Variants in AKNA observed in about 807,000 individuals in gnomAD.
AKNA encodes the protein microtubule organization protein AKNA.
A neutral mutation model predicts 138.8 loss-of-function variants in AKNA; 67 were observed. The observed-to-expected ratio is 0.48, with a 90% CI of 0.40 to 0.59. The LOEUF (loss-of-function observed/expected upper bound fraction) is 0.59. AKNA is among the 20% of genes least tolerant of loss of function. The probability of loss-of-function intolerance (pLI) is 0.00; values close to 1 mark genes in which losing one functional copy is unlikely to be tolerated. For synonymous variants in AKNA, 737 were observed against 754.4 expected (o/e 0.98, Z 0.38); for missense variants, 1,813 against 1,880.4 (o/e 0.96, Z 0.66).
At chr9:114,385,911 T>A (rs1308802666) in intron 1 of AKNA, among the ~76,000 whole-genome samples, 1 of 152,266 alleles carries the variant, frequency 6.6e-6, no homozygotes, top group Non-Finnish European at 1.5e-5. Flanking sequence ...TCCTGGCTGC[T>A]GTTACTCACT....
At chr9:114,362,925 G>A (rs1458089434) in intron 7 of AKNA, among the ~76,000 whole-genome samples, 1 of 151,748 alleles carries the variant, frequency 6.6e-6, no homozygotes, top group Non-Finnish European at 1.5e-5. Context: ...TTCTTGATTT[G>A]CAAAACTGTG....
chr9:114,366,279 C>A (rs77639154), intron 6 of AKNA, among the ~76,000 whole-genome samples: 210 of 127,600 alleles, frequency 1.6e-3, no homozygotes, highest in Admixed American at 1.8e-3. Context: ...GACTCTGTCT[C>A]AAAAAAAAAA....
rs760442671 is a variant in AKNA at position 114,377,204 on chromosome 9, C to A, written c.603G>T (p.Trp201Cys). 17 of 1,614,176 alleles carry A rather than the reference C, an allele frequency of 1.1e-5. No individual in the cohort carries two copies. In the South Asian group the frequency reaches 1.9e-4, roughly 18 times the overall value. Residue 201 changes from tryptophan (W) to cysteine (C), a missense_variant, in exon 3 of 22, where the codon TGG (tryptophan) becomes TGT (cysteine). Physicochemically the swap from Trp to Cys is radical, Grantham distance 215 (BLOSUM62 -2). Transcript: ENST00000374088. ...PSVELSPARSWSSGTVSLDHP... is the reference protein window; with the variant it reads ...PSVELSPARSCSSGTVSLDHP... ...GGTCGAGGCTCACTGTCCCACTGCT[C>A]CAGGACCTTGCCGGGCTGAGTTCAA...
intron 14 of AKNA, among the ~76,000 whole-genome samples, chr9:114,355,247 C>A (rs1431795920): frequency 6.6e-6 from 1 of 151,118 alleles, no homozygotes. Flanking sequence ...ACGATTGCAG[C>A]TCACTGCAAC....
At chr9:114,362,983 G>A (rs114266845) in intron 7 of AKNA, among the ~76,000 whole-genome samples, 1,878 of 152,250 alleles carry the variant, frequency 0.012, 27 homozygotes, top group African/African-American at 0.043. Flanking sequence ...ATAGACTATC[G>A]ACACCGATAA....
chr9:114,385,378 C>T (rs1304314870), intron 1 of AKNA, among the ~76,000 whole-genome samples: 1 of 152,240 alleles, frequency 6.6e-6, no homozygotes, highest in Non-Finnish European at 1.5e-5. Flanking sequence ...AGGGCCTGCC[C>T]TTTGAAGTTC....
Position 114,356,750 on chromosome 9 carries a change from G to C in AKNA, c.2846+113C>G, listed in dbSNP as rs1687420. On this transcript the variant is annotated intron_variant, in intron 13 of 21. Transcript: ENST00000374088. ...ATCACGGTTAGGGGATGAAATGAGG[G>C]CCTACGAATGGACAGACCATCCTCT... 30,111 of 896,894 alleles carry C rather than the reference G, an allele frequency of 0.034. 5,371 individuals carry two copies. The African/African-American group carries it at 0.43, about 13-fold the overall frequency. The allele number at this position is 896,894 out of a possible 1,614,324, so 55.6% of individuals were successfully genotyped here.
rs73548975 is a variant in AKNA, at chr9:114,336,546, C to T, written c.*508G>A. 1,824 of 153,736 alleles carry T rather than the reference C, an allele frequency of 0.012. 27 individuals carry two copies. The highest frequency in any genetic ancestry group is 0.041 in the African/African-American group (1,715 of 41,634). The allele number at this position is 153,736 out of a possible 1,614,324, so 9.5% of individuals were successfully genotyped here. On this transcript the variant is annotated 3_prime_UTR_variant, in exon 22 of 22. Transcript: ENST00000374088. ...CATCCTAAAATGCCCCACTGACTAC[C>T]AGTCACTAGGAGAAAGGTCTCCGGC... is the stretch of plus-strand genomic sequence containing the variant.
chr9:114,373,087 G>T (rs539226737), intron 4 of AKNA, among the ~76,000 whole-genome samples: 2 of 152,198 alleles, frequency 1.3e-5, no homozygotes, highest in South Asian at 4.1e-4. Context: ...GCAGGGGCAG[G>T]GTCCTGGAGC....
chr9:114,372,976 G>GGA (rs1554842104), intron 4 of AKNA, among the ~76,000 whole-genome samples: 2 of 134,470 alleles, frequency 1.5e-5, no homozygotes, highest in African/African-American at 5.6e-5. Context: ...GGGGGGGGGG[G>GGA]GGTCCTGGTC....
At chr9:114,352,454 G>A (rs1193196475) in intron 14 of AKNA, among the ~76,000 whole-genome samples, 2 of 151,316 alleles carry the variant, frequency 1.3e-5, no homozygotes, top group Admixed American at 6.6e-5. Context: ...AAAATTAGCT[G>A]GACGCAGTGG....
At position 114,337,251 on chromosome 9, in the gene AKNA, T is replaced by C. The variant is rs1588932051; in HGVS notation, c.4123A>G (p.Thr1375Ala). Residue 1375 changes from threonine (T) to alanine (A), a missense_variant, in exon 22 of 22, where the codon ACA (threonine) becomes GCA (alanine). Physicochemically the swap from Thr to Ala is moderately conservative, Grantham distance 58. Transcript: ENST00000374088. ...SAQPAAKWPP[T>A]ASPPPARRHR... ...CTCCGGGCTGGTGGGGGAGAGGCTG[T>C]GGGCGGCCACTTGGCAGCTGGTTGG... The C allele has an allele frequency of 6.4e-7, 1 of 1,556,312 alleles. No homozygotes were observed. Among genetic ancestry groups the C allele is most frequent in the East Asian group, 2.3e-5 (1 of 43,266 alleles).
In AKNA at chr9:114,381,133, C is replaced by A. The variant is rs368406159; in HGVS notation, c.201G>T (p.Pro67=). 2 of 1,612,662 alleles carry A rather than the reference C, an allele frequency of 1.2e-6. No individual in the cohort carries two copies. The highest frequency in any genetic ancestry group is 3.3e-5 in the Admixed American group (2 of 59,890). ...EDFRLAQQHL[P]PLEWDPHPQP... ...GCGGGTGTGGGTCCCACTCCAGGGGCGGCAGGTGCTGCTGGGCCAGGCGGA... is the reference window on the plus strand; with the variant it reads ...GCGGGTGTGGGTCCCACTCCAGGGGAGGCAGGTGCTGCTGGGCCAGGCGGA... Residue 67 remains proline (P), a synonymous_variant, in exon 2 of 22, where the codon CCG becomes CCT. Transcript: ENST00000374088.
At chr9:114,331,456 C>A, downstream of AKNA, 2 of 830,348 alleles carry the variant, frequency 2.4e-6, no homozygotes, top group East Asian at 2.5e-5. Flanking sequence ...GAGACCCGGG[C>A]CTTCACTGAT....
intron 14 of AKNA, among the ~76,000 whole-genome samples, chr9:114,352,424 C>G (rs1400279302): frequency 1.3e-5 from 2 of 151,072 alleles, no homozygotes; most frequent in Admixed American, 1.3e-4. Flanking sequence ...ATGGTGAAAC[C>G]CATTTCTACT....
intron 1 of AKNA, among the ~76,000 whole-genome samples, chr9:114,393,382 A>ATT (rs71492776): frequency 2.8e-4 from 39 of 140,242 alleles, no homozygotes; most frequent in African/African-American, 6.8e-4. Context: ...CGCCCAGCTA[A>ATT]TTTTTTTTTT....
upstream of AKNA, among the ~76,000 whole-genome samples, chr9:114,397,080 C>A (rs1046956085): frequency 6.6e-6 from 1 of 152,180 alleles, no homozygotes; most frequent in African/African-American, 2.4e-5. Context: ...TTGCAACAAA[C>A]AGCCCCAATC....
In AKNA at chr9:114,375,546, T is replaced by C. The variant is rs181908104; in HGVS notation, c.1341+920A>G. Among the ~76,000 whole-genome samples the C allele has an allele frequency of 6.2e-4, 94 of 152,280 alleles. 2 individuals carry two copies. In the East Asian group the frequency reaches 0.017, roughly 27 times the overall value. ...ATATTTAAGGACCTGGTGTTAACATTTAGGTGACCATGGTATGTGGTTATG... is the reference window on the plus strand; with the variant it reads ...ATATTTAAGGACCTGGTGTTAACATCTAGGTGACCATGGTATGTGGTTATG... On this transcript the variant is annotated intron_variant, in intron 3 of 21. Transcript: ENST00000374088.
At chr9:114,350,561 AAGG>A (rs1339715437) in intron 15 of AKNA, among the ~76,000 whole-genome samples, 14 of 152,332 alleles carry the variant, frequency 9.2e-5, no homozygotes, top group South Asian at 8.3e-4. Flanking sequence ...TAGCCCTAGA[AAGG>A]ACAGGCTTTT....
Sources: gnomAD v4.1 joint callset for allele counts (sites outside exome capture counted in the v4.1 genomes callset) on GRCh38, gnomAD v4.1.1 for gene constraint, MANE v1.5 for transcripts, NCBI Gene and HGNC (gene_info 2026-07-23, HGNC 2026-07-21) for gene names.